The following TOM1 variants were observed in gnomAD, a reference collection of about 807,000 sequenced individuals.
TOM1 encodes the protein target of myb1 membrane trafficking protein.
Under a neutral mutation model 61.3 loss-of-function variants are expected in TOM1, and 38 were observed. That is an observed-to-expected ratio of 0.62 (90% CI 0.48 to 0.81). TOM1 has a LOEUF of 0.81. Ranked by LOEUF, TOM1 falls within the 40% of genes least tolerant of loss-of-function variation. The pLI, the probability that TOM1 is intolerant of heterozygous loss-of-function variation, is 0.00. For synonymous variants in TOM1, 270 were observed against 268.8 expected, an observed-to-expected ratio of 1.00 and a Z score of -0.04; for missense variants, 591 against 659.6, an observed-to-expected ratio of 0.90 and a Z score of 1.14.
rs540225389 is a variant in TOM1 at position 35,328,155 on chromosome 22, C to T, written c.765+768C>T. 2.1e-4 allele frequency among the ~76,000 whole-genome samples: 32 copies of T among 152,266 alleles called. No homozygotes were observed. The South Asian group carries it at 6.2e-3, about 30-fold the overall frequency. ...TCGCCACCGTGTCTGTGTGCCTGAC[C>T]GAGCTGACTCTGCAGGGGTCCTCAC... On this transcript the variant is annotated intron_variant, in intron 7 of 14. Coordinates refer to ENST00000449058, the MANE Select transcript of TOM1 (RefSeq NM_005488.3).
chr22:35,342,782 C>T (rs377345112), intron 12 of TOM1, among the ~76,000 whole-genome samples: 21 of 148,462 alleles, frequency 1.4e-4, no homozygotes, highest in African/African-American at 5.0e-4. Context: ...CTACACCCAC[C>T]ACACACACCT....
intron 12 of TOM1, chr22:35,345,455 C>A: frequency 1.8e-6 from 1 of 556,164 alleles, no homozygotes; most frequent in East Asian, 3.0e-5. Context: ...TGTGTCGGAA[C>A]TGGGGTTCTT....
chr22:35,347,517 C>G lies in TOM1; in HGVS notation c.*308C>G, dbSNP rs1033888171. 1 of 284,754 alleles carries G rather than the reference C, an allele frequency of 3.5e-6. No homozygotes were observed. The highest frequency in any genetic ancestry group is 6.6e-6 in the Non-Finnish European group (1 of 152,144). 17.6% of individuals were successfully genotyped at this position (284,754 alleles called of 1,614,324 possible). On this transcript the variant is annotated 3_prime_UTR_variant, in exon 15 of 15. Coordinates refer to ENST00000449058, the MANE Select transcript of TOM1 (RefSeq NM_005488.3). ...CTGGCTGGCTGGCTGGCTGCTTGACCCAGTGTGACTCTCCTTCACTGAGTG... is the reference window on the plus strand; with the variant it reads ...CTGGCTGGCTGGCTGGCTGCTTGACGCAGTGTGACTCTCCTTCACTGAGTG...
intron 1 of TOM1, among the ~76,000 whole-genome samples, chr22:35,300,928 T>C (rs1057189225): frequency 4.0e-5 from 6 of 151,598 alleles, no homozygotes; most frequent in Non-Finnish European, 7.4e-5. Flanking sequence ...TTATTATCAC[T>C]GGGCTGGGCA....
intron 1 of TOM1, among the ~76,000 whole-genome samples, chr22:35,307,439 T>G (rs1224682571): frequency 6.6e-6 from 1 of 152,190 alleles, no homozygotes; most frequent in Non-Finnish European, 1.5e-5. Context: ...CCCAGGTAGC[T>G]CATTTTGATC....
At chr22:35,320,509 T>C (rs1927678083) in intron 2 of TOM1, among the ~76,000 whole-genome samples, 1 of 152,056 alleles carries the variant, frequency 6.6e-6, no homozygotes, top group South Asian at 2.1e-4. Context: ...GGCCTCCTCT[T>C]AGTTCCTCCA....
In TOM1 at chr22:35,341,105, G is replaced by A. The variant is rs560571917; in HGVS notation, c.1224+2317G>A. On this transcript the variant is annotated intron_variant, in intron 12 of 14. Transcript: ENST00000449058. ...TCGGGTGTAAGCCATCATTTGCTGA[G>A]CCTGTGCTCCGGGCCAGGCCTGCAC... is the stretch of plus-strand genomic sequence containing the variant. 4.6e-5 allele frequency among the ~76,000 whole-genome samples: 7 copies of A among 152,344 alleles called. No homozygotes were observed. The South Asian group carries it at 1.5e-3, about 32-fold the overall frequency.
chr22:35,328,277 G>T (rs148913558), intron 7 of TOM1, among the ~76,000 whole-genome samples: 1 of 152,192 alleles, frequency 6.6e-6, no homozygotes, highest in African/African-American at 2.4e-5. Context: ...AGAAGACTGC[G>T]CAGGCAGCCT....
At chr22:35,330,311 A>C (rs749385763) in intron 7 of TOM1, 36 bp from the exon 8 acceptor site, 2 of 1,582,244 alleles carry the variant, frequency 1.3e-6, no homozygotes, top group Non-Finnish European at 1.7e-6. Flanking sequence ...ACTCTGAGTC[A>C]TGTGACTGTG....
At chr22:35,326,905 GGA>G (rs139668404) in intron 6 of TOM1, among the ~76,000 whole-genome samples, 3 of 151,894 alleles carry the variant, frequency 2.0e-5, no homozygotes, top group African/African-American at 2.4e-5. Context: ...TCCTCTAGTG[GGA>G]GAGAGAGAGA....
upstream of TOM1, chr22:35,299,823 G>A (rs1925543596): frequency 2.1e-5 from 26 of 1,263,138 alleles, no homozygotes; most frequent in African/African-American, 1.6e-5. Context: ...CCACCGCCCC[G>A]CCCACGCCTC....
At chr22:35,309,024 A>T (rs949645850) in intron 1 of TOM1, among the ~76,000 whole-genome samples, 3 of 152,084 alleles carry the variant, frequency 2.0e-5, no homozygotes, top group African/African-American at 7.2e-5. Context: ...TTTCAAGACA[A>T]GTTTCTGGCT....
chr22:35,319,522 A>G (rs1410865626), intron 2 of TOM1, among the ~76,000 whole-genome samples: 3 of 152,208 alleles, frequency 2.0e-5, no homozygotes, highest in African/African-American at 7.2e-5. Flanking sequence ...AGAACTTCCG[A>G]TTCCCAGTGC....
At chr22:35,325,144 T>G (rs927022054) in intron 6 of TOM1, among the ~76,000 whole-genome samples, 1 of 152,212 alleles carries the variant, frequency 6.6e-6, no homozygotes, top group Non-Finnish European at 1.5e-5. Flanking sequence ...GTTAAAGGTG[T>G]TGTACACACA....
chr22:35,333,644 G>A (rs1010217880), intron 10 of TOM1, 147 bp downstream of exon 10: 3 of 717,582 alleles, frequency 4.2e-6, no homozygotes, highest in Non-Finnish European at 7.1e-6. Context: ...GAATCTTGCT[G>A]CAAGGTGGGG....
At chr22:35,344,759 A>G (rs1930361419) in intron 12 of TOM1, 1 of 152,180 alleles carries the variant, frequency 6.6e-6, no homozygotes, top group African/African-American at 2.4e-5. Context: ...TATTAGTGCC[A>G]TTACTGATTA....
chr22:35,346,732 G>T (rs899409051), intron 13 of TOM1, among the ~76,000 whole-genome samples, 198 bp from the exon 14 acceptor site: 2 of 152,156 alleles, frequency 1.3e-5, no homozygotes, highest in African/African-American at 4.8e-5. Context: ...AGGAAGTCAG[G>T]TGCCACCCAA....
intron 2 of TOM1, among the ~76,000 whole-genome samples, chr22:35,320,987 G>GAAAAAAAAAAAAAAAAAAA (rs138783): frequency 1.1e-5 from 1 of 88,940 alleles, no homozygotes; most frequent in Non-Finnish European, 2.4e-5. Flanking sequence ...GTCTCAGAAG[G>GAAAAAAAAAAAAAAAAAAA]AAAAAAAAAA....
At position 35,322,223 on chromosome 22, in the gene TOM1, G is replaced by A. The variant is rs1601686415; in HGVS notation, c.216+186G>A. 22 of 591,590 alleles carry A rather than the reference G, an allele frequency of 3.7e-5. No individual in the cohort carries two copies. The East Asian group carries it at 5.9e-4, about 16-fold the overall frequency. The allele number at this position is 591,590 out of a possible 1,614,324, so 36.6% of individuals were successfully genotyped here. A position where few individuals can be genotyped will look rare whatever the true frequency, so the allele number is the denominator to read the frequency against. ...AGAATGGCAAGAGGCCATTTGGAAAGGTTCTCCCCAATCCCCCAGCATGGG... is the reference window on the plus strand; with the variant it reads ...AGAATGGCAAGAGGCCATTTGGAAAAGTTCTCCCCAATCCCCCAGCATGGG... On this transcript the variant is annotated intron_variant, in intron 3 of 14. Transcript: ENST00000449058.
Sources: allele counts gnomAD v4.1 joint callset (sites outside exome capture counted in the v4.1 genomes callset), GRCh38; gene constraint gnomAD v4.1.1; transcripts MANE v1.5; gene names NCBI Gene and HGNC (gene_info 2026-07-23, HGNC 2026-07-21).